The following IQSEC2 variants were observed in gnomAD, a reference collection of about 807,000 sequenced individuals.
IQSEC2 encodes IQ motif and Sec7 domain ArfGEF 2.
Under a neutral mutation model 74.6 loss-of-function variants are expected in IQSEC2, and 6 were observed. The ratio of observed to expected loss-of-function variants is 0.08; its 90% CI spans 0.04 to 0.16. The LOEUF (loss-of-function observed/expected upper bound fraction) is 0.16. Among genes scored for constraint, IQSEC2 ranks in the 10% least tolerant of loss-of-function variants. The pLI, the probability that IQSEC2 is intolerant of heterozygous loss-of-function variation, is 1.00. For missense variants in IQSEC2, 734 were observed against 1,306.2 expected (o/e 0.56, Z 6.75); for synonymous variants, 494 against 544.5 (o/e 0.91, Z 1.29).
chrX:53,253,511 G>A (rs1295072021), intron 4 of IQSEC2, among the ~76,000 whole-genome samples: 8 of 111,903 alleles, frequency 7.1e-5, no homozygotes, highest in East Asian at 2.8e-4. Context: ...CTGATGCAAC[G>A]CCTATGTAAG....
chrX:53,235,874 C>G (rs938196033), intron 13 of IQSEC2, 42 bp from the exon 14 acceptor site: 14 of 1,129,745 alleles, frequency 1.2e-5, no homozygotes, highest in Non-Finnish European at 1.4e-5. Flanking sequence ...AGCAGCAACC[C>G]CCCCCCTACC....
At chrX:53,238,102 CT>C in intron 12 of IQSEC2, 42 bp downstream of exon 12, 1 of 1,164,609 alleles carries the variant, frequency 8.6e-7, no homozygotes, top group Non-Finnish European at 1.2e-6. Flanking sequence ...CTGCAGGGTA[CT>C]GTTTCAGGAG....
At chrX:53,316,468 G>A (rs782494515) in intron 1 of IQSEC2, among the ~76,000 whole-genome samples, 3 of 110,853 alleles carry the variant, frequency 2.7e-5, no homozygotes, top group East Asian at 5.7e-4. Context: ...TAGCCCCTGC[G>A]GGGAGCATGC....
chrX:53,266,644 G>A (rs1186608041), intron 2 of IQSEC2: 1 of 847,095 alleles, frequency 1.2e-6, no homozygotes, highest in Non-Finnish European at 1.4e-6. Flanking sequence ...GCAGGCTCCA[G>A]GGTGCCTGGG....
intron 1 of IQSEC2, among the ~76,000 whole-genome samples, chrX:53,317,192 C>T (rs950170240): frequency 3.6e-5 from 4 of 112,084 alleles, no homozygotes; most frequent in Non-Finnish European, 7.5e-5. Flanking sequence ...GGTAAAAAGA[C>T]CTGAGCATTA....
intron 1 of IQSEC2, among the ~76,000 whole-genome samples, chrX:53,293,292 G>T (rs1386236587): frequency 1.8e-5 from 2 of 111,658 alleles, no homozygotes; most frequent in Non-Finnish European, 3.8e-5. Flanking sequence ...GTAAAATGGG[G>T]CTTTGGGGGT....
At chrX:53,291,334 A>AAAAATAAAAT (rs781834335) in intron 2 of IQSEC2, among the ~76,000 whole-genome samples, 1 of 111,577 alleles carries the variant, frequency 9.0e-6, no homozygotes, top group African/African-American at 3.3e-5. Flanking sequence ...TAACAACAAC[A>AAAAATAAAAT]AAAATAAAAT....
chrX:53,293,712 G>A (rs782429696), intron 1 of IQSEC2, among the ~76,000 whole-genome samples: 2 of 111,440 alleles, frequency 1.8e-5, no homozygotes, highest in Non-Finnish European at 3.8e-5. Flanking sequence ...TGTCTACCAG[G>A]CCCTGCCCTG....
chrX:53,297,890 G>T (rs1000050954), intron 1 of IQSEC2, among the ~76,000 whole-genome samples: 1 of 111,148 alleles, frequency 9.0e-6, no homozygotes, highest in African/African-American at 3.3e-5. Context: ...AACATTTTGG[G>T]AGGCCGAGGT....
chrX:53,241,593 C>A (rs952706967), intron 10 of IQSEC2, among the ~76,000 whole-genome samples, 191 bp downstream of exon 10: 1 of 111,941 alleles, frequency 8.9e-6, no homozygotes, highest in Non-Finnish European at 1.9e-5. Flanking sequence ...GTTACTACCT[C>A]CAAATGCATC....
chrX:53,237,348 G>A (rs1347605411), intron 12 of IQSEC2: 5 of 111,802 alleles, frequency 4.5e-5, no homozygotes, highest in African/African-American at 1.6e-4. Context: ...GGTCTCAAAG[G>A]ATCTGGTGAA....
At chrX:53,263,906 C>A (rs1471692467) in intron 2 of IQSEC2, among the ~76,000 whole-genome samples, 1 of 112,724 alleles carries the variant, frequency 8.9e-6, no homozygotes, top group South Asian at 3.7e-4. Flanking sequence ...TTCACCTTTG[C>A]GGACCTATGG....
At chrX:53,307,109 T>C (rs1273998872) in intron 1 of IQSEC2, among the ~76,000 whole-genome samples, 2 of 109,538 alleles carry the variant, frequency 1.8e-5, no homozygotes, top group Non-Finnish European at 3.8e-5. Flanking sequence ...TCAAGACACC[T>C]AGTGGCATGT....
At chrX:53,259,188 CAAAAAA>C (rs56394985) in intron 2 of IQSEC2, among the ~76,000 whole-genome samples, 2 of 31,686 alleles carry the variant, frequency 6.3e-5, no homozygotes, top group Non-Finnish European at 1.1e-4. Context: ...AGACTGTCTC[CAAAAAA>C]AAAAAAAAAA....
rs2075430264 is a variant in IQSEC2, at chrX:53,321,288, G to A, written c.-165C>T. ...CTAGGGGGCCCGGGAGACAGCGCTG[G>A]GGCCGGCGGCACGGGGAGCAGGAGC... On this transcript the variant is annotated 5_prime_UTR_variant, in exon 1 of 15. Transcript: ENST00000642864. The A allele has an allele frequency of 6.5e-6, 2 of 308,281 alleles. No homozygotes were observed. Among genetic ancestry groups the A allele is most frequent in the Non-Finnish European group, 1.1e-5 (2 of 181,792 alleles). 25.4% of individuals were successfully genotyped at this position (308,281 alleles called of 1,213,427 possible).
chrX:53,318,662 C>T (rs2075401072), intron 1 of IQSEC2, among the ~76,000 whole-genome samples: 1 of 113,068 alleles, frequency 8.8e-6, no homozygotes, highest in African/African-American at 3.2e-5. Flanking sequence ...TCCACTGCAC[C>T]ACCAGAATGC....
intron 2 of IQSEC2, chrX:53,281,625 A>T (rs2074965687): frequency 9.6e-6 from 9 of 935,279 alleles, no homozygotes; most frequent in Non-Finnish European, 1.1e-5. Flanking sequence ...GGAACCAAGA[A>T]GGCGGGGCCA....
At chrX:53,314,776 T>G (rs2075353163) in intron 1 of IQSEC2, among the ~76,000 whole-genome samples, 1 of 111,684 alleles carries the variant, frequency 9.0e-6, no homozygotes, top group South Asian at 3.7e-4. Context: ...CTACTGGAGC[T>G]GGACTGCAGA....
chrX:53,320,644 G>T lies in IQSEC2; in HGVS notation c.480C>A (p.His160Gln). 2.6e-6 allele frequency: 3 copies of T among 1,163,901 alleles called. No homozygotes were observed. Among genetic ancestry groups the T allele is most frequent in the Middle Eastern group, 2.6e-4 (1 of 3,823 alleles). The change falls in exon 1 of 15, where the codon CAC (histidine) becomes CAA (glutamine). Residue 160 changes from histidine (H) to glutamine (Q), a missense_variant. This residue lies in a region of IQSEC2 where 134 missense variants were observed against 214.9 expected (regional missense o/e 0.62). Coordinates refer to ENST00000642864, the MANE Select transcript of IQSEC2 (RefSeq NM_001111125.3). ...RERDVAQCHL[H>Q]HENPALGRER... ...CGCGACCCAGGGCTGGGTTCTCGTG[G>T]TGCAGGTGGCACTGGGCCACGTCAC...
Sources: allele counts gnomAD v4.1 joint callset (sites outside exome capture counted in the v4.1 genomes callset), GRCh38; gene constraint gnomAD v4.1.1; regional missense constraint gnomAD v4.1.1; transcripts MANE v1.5; gene names NCBI Gene and HGNC (gene_info 2026-07-23, HGNC 2026-07-21).